Variants in EXOC4 observed in about 807,000 individuals in gnomAD.
The protein encoded by EXOC4 is SEC8-like 1.
EXOC4 carries 71 observed loss-of-function variants against 107.2 expected under a neutral mutation model. The ratio of observed to expected loss-of-function variants is 0.66; its 90% CI spans 0.55 to 0.81. EXOC4 has a LOEUF of 0.81. Among genes scored for constraint, EXOC4 ranks in the 30% least tolerant of loss-of-function variants. EXOC4 has a pLI of 0.00. For missense variants in EXOC4, 1,108 were observed against 1,189.6 expected (o/e 0.93, Z 1.01); for synonymous variants, 456 against 441.2 (o/e 1.03, Z -0.42).
At chr7:133,602,211 A>G (rs866098637) in intron 9 of EXOC4, among the ~76,000 whole-genome samples, 2 of 152,370 alleles carry the variant, frequency 1.3e-5, no homozygotes, top group Middle Eastern at 3.4e-3. Context: ...AATTGAGTCC[A>G]GCATGATACT....
chr7:133,848,237 C>T (rs1296450365), intron 11 of EXOC4, among the ~76,000 whole-genome samples: 15 of 152,042 alleles, frequency 9.9e-5, no homozygotes, highest in Admixed American at 5.2e-4. Flanking sequence ...TTTTTGCCTG[C>T]GTGTACAGCT....
intron 9 of EXOC4, among the ~76,000 whole-genome samples, chr7:133,488,287 T>G (rs1387419893): frequency 6.6e-6 from 1 of 152,178 alleles, no homozygotes; most frequent in Non-Finnish European, 1.5e-5. Flanking sequence ...ACTCATAGTC[T>G]AGTGCTTTTT....
At chr7:133,726,866 A>C (rs1313157841) in intron 10 of EXOC4, among the ~76,000 whole-genome samples, 4 of 152,210 alleles carry the variant, frequency 2.6e-5, no homozygotes, top group East Asian at 1.9e-4. Context: ...ATGACACCAT[A>C]GTGGAATGAT....
Position 134,064,542 on chromosome 7 carries a change from G to A in EXOC4, c.*14G>A, listed in dbSNP as rs369952664. 2.7e-4 allele frequency: 406 copies of A among 1,529,942 alleles called. 1 individual carries two copies. Among genetic ancestry groups the A allele is most frequent in the South Asian group, 6.0e-4 (50 of 83,370 alleles). 94.8% of individuals were successfully genotyped at this position (1,529,942 alleles called of 1,614,324 possible). On this transcript the variant is annotated 3_prime_UTR_variant, in exon 18 of 18. Transcript: ENST00000253861. ...ACTACCGTTTAGCAGGGCGTACTGC[G>A]GTTGGTGACGGGGGTCCCCTCAGTC...
chr7:134,099,649 G>C, the EXOC4 span, among the ~76,000 whole-genome samples: 1 of 148,650 alleles, frequency 6.7e-6, no homozygotes, highest in African/African-American at 2.5e-5. Flanking sequence ...TCCTGCCTCA[G>C]CCTCCCATGT....
At chr7:133,849,052 TTGA>T in intron 11 of EXOC4, among the ~76,000 whole-genome samples, 1 of 152,330 alleles carries the variant, frequency 6.6e-6, no homozygotes, top group South Asian at 2.1e-4. Flanking sequence ...ACCTGAAGCC[TTGA>T]GACTCTGGAA....
In EXOC4 at chr7:133,284,472, C is replaced by T. The variant is rs536245259; in HGVS notation, c.277-4450C>T. Among the ~76,000 whole-genome samples the T allele has an allele frequency of 8.5e-5, 13 of 152,282 alleles. No individual in the cohort carries two copies. The East Asian group carries it at 2.3e-3, about 27-fold the overall frequency. ...GATTTAATAGCTGGAGTCCTTAACT[C>T]AGAGACTAAGAACTCCAGTGGAATT... is the stretch of plus-strand genomic sequence containing the variant. On this transcript the variant is annotated intron_variant, in intron 2 of 17. Coordinates refer to ENST00000253861, the MANE Select transcript of EXOC4 (RefSeq NM_021807.4).
chr7:134,038,782 G>A (rs1267821142), intron 17 of EXOC4, among the ~76,000 whole-genome samples: 1 of 152,136 alleles, frequency 6.6e-6, no homozygotes, highest in Non-Finnish European at 1.5e-5. Context: ...ACTTACCATT[G>A]GCAGTAACTA....
At chr7:133,298,175 T>A (rs1414590224) in intron 3 of EXOC4, among the ~76,000 whole-genome samples, 1 of 152,186 alleles carries the variant, frequency 6.6e-6, no homozygotes, top group Non-Finnish European at 1.5e-5. Flanking sequence ...TACTAATTAC[T>A]TGTGGTTGCC....
intron 9 of EXOC4, among the ~76,000 whole-genome samples, chr7:133,526,270 C>G (rs1485732283): frequency 6.6e-6 from 1 of 152,108 alleles, no homozygotes; most frequent in Non-Finnish European, 1.5e-5. Context: ...AATCCCTAGT[C>G]TTTTTCTTTC....
chr7:133,914,193 T>A (rs918415892), intron 12 of EXOC4, among the ~76,000 whole-genome samples: 1 of 152,186 alleles, frequency 6.6e-6, no homozygotes, highest in African/African-American at 2.4e-5. Context: ...CTTGTAGAAA[T>A]TCTGGATAAA....
intron 9 of EXOC4, among the ~76,000 whole-genome samples, chr7:133,510,675 A>T (rs1799751982): frequency 6.6e-6 from 1 of 152,212 alleles, no homozygotes; most frequent in African/African-American, 2.4e-5. Context: ...AGCATGTATT[A>T]AAACAACCCT....
At chr7:133,401,595 A>G (rs1160810888) in intron 7 of EXOC4, among the ~76,000 whole-genome samples, 1 of 151,680 alleles carries the variant, frequency 6.6e-6, no homozygotes, top group East Asian at 1.9e-4. Context: ...ACAGGAGGTT[A>G]AGGCTGCAGT....
At chr7:133,506,770 G>T (rs1799673926) in intron 9 of EXOC4, among the ~76,000 whole-genome samples, 2 of 151,772 alleles carry the variant, frequency 1.3e-5, no homozygotes, top group African/African-American at 4.8e-5. Flanking sequence ...TTAAAAATTT[G>T]AAAATTTACC....
intron 7 of EXOC4, among the ~76,000 whole-genome samples, chr7:133,398,545 T>C (rs1242452802): frequency 6.6e-6 from 1 of 152,234 alleles, no homozygotes; most frequent in Non-Finnish European, 1.5e-5. Context: ...GTATTGAATT[T>C]CTAATGTGGA....
At chr7:133,978,580 C>T (rs1793897650) in intron 14 of EXOC4, among the ~76,000 whole-genome samples, 1 of 152,164 alleles carries the variant, frequency 6.6e-6, no homozygotes, top group Admixed American at 6.5e-5. Flanking sequence ...GTAGGGAATA[C>T]GATGTTTTAG....
At chr7:133,642,504 A>G (rs977787037) in intron 10 of EXOC4, among the ~76,000 whole-genome samples, 3 of 152,228 alleles carry the variant, frequency 2.0e-5, no homozygotes, top group Non-Finnish European at 4.4e-5. Context: ...CTCTTACCCC[A>G]CACGTCTAGT....
intron 9 of EXOC4, among the ~76,000 whole-genome samples, chr7:133,565,679 C>G (rs1213696330): frequency 6.6e-6 from 1 of 152,170 alleles, no homozygotes; most frequent in Non-Finnish European, 1.5e-5. Flanking sequence ...CACTGTTTAT[C>G]TGAAATTTTA....
intron 10 of EXOC4, among the ~76,000 whole-genome samples, chr7:133,735,715 T>G (rs1795430539): frequency 6.6e-6 from 1 of 152,168 alleles, no homozygotes; most frequent in African/African-American, 2.4e-5. Flanking sequence ...TGTTTTTGAT[T>G]ATAAATTCTC....
Sources: gnomAD v4.1 joint callset for allele counts (sites outside exome capture counted in the v4.1 genomes callset) on GRCh38, gnomAD v4.1.1 for gene constraint, MANE v1.5 for transcripts, NCBI Gene and HGNC (gene_info 2026-07-23, HGNC 2026-07-21) for gene names.